Variants in PANX1 observed in about 807,000 individuals in gnomAD.
PANX1 encodes the protein pannexin-1.
A neutral mutation model predicts 38.7 loss-of-function variants in PANX1; 30 were observed. The ratio of observed to expected loss-of-function variants is 0.78; its 90% CI spans 0.58 to 1.05. The LOEUF is 1.05. Among genes scored for constraint, PANX1 ranks in the 50% least tolerant of loss-of-function variants. PANX1 has a pLI of 0.00. For missense variants in PANX1, 551 were observed against 517.2 expected, an observed-to-expected ratio of 1.07 and a Z score of -0.63; for synonymous variants, 230 against 212.2, an observed-to-expected ratio of 1.08 and a Z score of -0.73.
intron 1 of PANX1, among the ~76,000 whole-genome samples, chr11:94,132,932 G>A (rs1200400988): frequency 1.3e-5 from 2 of 152,104 alleles, no homozygotes; most frequent in African/African-American, 2.4e-5. Flanking sequence ...TGTGGGGGTG[G>A]GAGTGTTGTA....
At chr11:94,176,076 G>A (rs1377611218) in intron 2 of PANX1, among the ~76,000 whole-genome samples, 1 of 151,440 alleles carries the variant, frequency 6.6e-6, no homozygotes, top group East Asian at 1.9e-4. Flanking sequence ...TTTTATGTAG[G>A]CAACAATCCA....
chr11:94,172,975 G>A (rs1365976668), intron 2 of PANX1, among the ~76,000 whole-genome samples: 2 of 151,734 alleles, frequency 1.3e-5, no homozygotes, highest in Admixed American at 1.3e-4. Flanking sequence ...CTTTGGTGCT[G>A]AATAGAAGCC....
intron 1 of PANX1, among the ~76,000 whole-genome samples, chr11:94,139,945 A>G (rs534158753): frequency 2.8e-4 from 43 of 152,378 alleles, no homozygotes; most frequent in Non-Finnish European, 4.9e-4. Context: ...TAGCAAATGA[A>G]TGAACCATAG....
At chr11:94,165,095 C>T (rs866203955) in intron 2 of PANX1, among the ~76,000 whole-genome samples, 1 of 152,002 alleles carries the variant, frequency 6.6e-6, no homozygotes, top group Non-Finnish European at 1.5e-5. Context: ...TGGTCAGCAG[C>T]GTTTGGTTGG....
rs1308890960 is a variant in PANX1 at position 94,179,857 on chromosome 11, C to G, written c.801C>G (p.Leu267=). The G allele has an allele frequency of 6.2e-7, 1 of 1,614,132 alleles. No individual in the cohort carries two copies. Among genetic ancestry groups the G allele is most frequent in the African/African-American group, 1.3e-5 (1 of 75,030 alleles). The part of the protein sequence containing the change: ...STVPDQFQCK[L]IAVGIFQLLS... ...TGCCCGATCAGTTTCAGTGCAAACT[C>G]ATTGCCGTGGGCATCTTCCAGTTGC... Residue 267 remains leucine, a synonymous_variant, in exon 4 of 5, where the codon CTC becomes CTG. Coordinates refer to ENST00000227638, the MANE Select transcript of PANX1 (RefSeq NM_015368.4).
chr11:94,149,928 T>A (rs1378090401), intron 1 of PANX1, among the ~76,000 whole-genome samples: 1 of 152,240 alleles, frequency 6.6e-6, no homozygotes, highest in East Asian at 1.9e-4. Flanking sequence ...AGAATATGTC[T>A]TGCCTGTAAA....
intron 1 of PANX1, among the ~76,000 whole-genome samples, chr11:94,152,888 G>A (rs113102110): frequency 0.027 from 4,179 of 152,196 alleles, 198 homozygotes; most frequent in African/African-American, 0.096. Flanking sequence ...TCTGCTGTTG[G>A]GAGGTTTGCA....
intron 2 of PANX1, among the ~76,000 whole-genome samples, chr11:94,174,267 C>T (rs973360892): frequency 6.6e-6 from 1 of 151,476 alleles, no homozygotes; most frequent in South Asian, 2.1e-4. Flanking sequence ...AGTATTCAAG[C>T]CAGCACACCC....
chr11:94,168,104 AT>A (rs200723786), intron 2 of PANX1, among the ~76,000 whole-genome samples: 3 of 152,098 alleles, frequency 2.0e-5, no homozygotes, highest in South Asian at 2.1e-4. Flanking sequence ...TTTCTTCACA[AT>A]TTTTTTTCCC....
chr11:94,174,606 C>A (rs534875108), intron 2 of PANX1, among the ~76,000 whole-genome samples: 2 of 151,810 alleles, frequency 1.3e-5, no homozygotes, highest in Admixed American at 6.5e-5. Flanking sequence ...GTGTTCCCAT[C>A]TGTCCTGTGT....
intron 2 of PANX1, among the ~76,000 whole-genome samples, chr11:94,162,571 G>A (rs1220984037): frequency 5.9e-5 from 9 of 152,176 alleles, no homozygotes; most frequent in South Asian, 4.1e-4. Flanking sequence ...TTGGATAAGC[G>A]CAGTATTAGG....
intron 2 of PANX1, among the ~76,000 whole-genome samples, chr11:94,171,077 C>A (rs1400208356): frequency 6.6e-6 from 1 of 151,714 alleles, no homozygotes; most frequent in Non-Finnish European, 1.5e-5. Flanking sequence ...CTCCCAGTCA[C>A]CCCTCATTCA....
intron 1 of PANX1, among the ~76,000 whole-genome samples, chr11:94,150,285 G>A (rs890222717): frequency 1.3e-5 from 2 of 152,178 alleles, no homozygotes; most frequent in African/African-American, 4.8e-5. Flanking sequence ...AACCCAGGCA[G>A]TAGGGAACCA....
intron 2 of PANX1, among the ~76,000 whole-genome samples, chr11:94,173,350 G>T (rs1001696368): frequency 1.3e-5 from 2 of 151,584 alleles, no homozygotes; most frequent in African/African-American, 4.9e-5. Context: ...GACCACATAT[G>T]TGCTGCCAAA....
chr11:94,148,645 G>A (rs1177320841), intron 1 of PANX1, among the ~76,000 whole-genome samples: 2 of 152,180 alleles, frequency 1.3e-5, no homozygotes, highest in African/African-American at 2.4e-5. Flanking sequence ...TTTATGGGTT[G>A]TAATATAATC....
At chr11:94,138,546 T>C (rs1490190317) in intron 1 of PANX1, among the ~76,000 whole-genome samples, 7 of 152,210 alleles carry the variant, frequency 4.6e-5, no homozygotes, top group Non-Finnish European at 1.0e-4. Context: ...AGGTATATAT[T>C]CATGGGGTAT....
intron 1 of PANX1, among the ~76,000 whole-genome samples, chr11:94,151,651 T>A (rs1194761602): frequency 7.2e-5 from 11 of 152,342 alleles, no homozygotes; most frequent in Middle Eastern, 3.4e-3. Context: ...GGGAACCGTG[T>A]GAGCTTAGTG....
intron 1 of PANX1, among the ~76,000 whole-genome samples, chr11:94,150,836 C>T (rs12273690): frequency 6.6e-6 from 1 of 152,108 alleles, no homozygotes; most frequent in Non-Finnish European, 1.5e-5. Context: ...AAGCTGTCCC[C>T]TTCCTGGCCA....
intron 2 of PANX1, 28 bp from the exon 3 acceptor site, chr11:94,178,341 G>A: frequency 6.4e-7 from 1 of 1,557,972 alleles, no homozygotes; most frequent in Non-Finnish European, 8.9e-7. Flanking sequence ...GGTTTGTTAA[G>A]CCCATGATTT....
Sources: allele counts gnomAD v4.1 joint callset (sites outside exome capture counted in the v4.1 genomes callset), GRCh38; gene constraint gnomAD v4.1.1; transcripts MANE v1.5; gene names NCBI Gene and HGNC (gene_info 2026-07-23, HGNC 2026-07-21).